EPB41L3: variants seen among roughly 807,000 people sequenced by gnomAD.
The protein encoded by EPB41L3 is band 4.1-like protein 3.
A neutral mutation model predicts 127.1 loss-of-function variants in EPB41L3; 57 were observed. The observed-to-expected ratio is 0.45, with a 90% CI of 0.36 to 0.56. EPB41L3 has a LOEUF of 0.56. EPB41L3 is among the 20% of genes least tolerant of loss of function. EPB41L3 has a pLI of 0.00. For synonymous variants in EPB41L3, 572 were observed against 549.5 expected (o/e 1.04, Z -0.57); for missense variants, 1,273 against 1,372.2 (o/e 0.93, Z 1.14).
intron 1 of EPB41L3, among the ~76,000 whole-genome samples, chr18:5,618,693 T>C (rs1270412173): frequency 6.6e-6 from 1 of 152,122 alleles, no homozygotes; most frequent in East Asian, 1.9e-4. Context: ...CGAAAGTCAA[T>C]GAAAAGTGGT....
In EPB41L3 at chr18:5,561,259, G is replaced by A. The variant is rs2094131992; in HGVS notation, c.-306+51081C>T. The stretch of plus-strand genomic sequence containing the variant: ...CCCAAAGTGCTGGGATTATAGGCGT[G>A]AGCCACCGCGCCTGGCCAGTTGTAA... On this transcript the variant is annotated intron_variant, in intron 3 of 21. Coordinates refer to the EPB41L3 transcript ENST00000545076. Among the ~76,000 whole-genome samples, 2 of 152,128 alleles carry A rather than the reference G, an allele frequency of 1.3e-5. 1 individual carries two copies. Among genetic ancestry groups the A allele is most frequent in the Admixed American group, 1.3e-4 (2 of 15,282 alleles).
chr18:5,512,377 A>G (rs1304477687), intron 1 of EPB41L3, among the ~76,000 whole-genome samples: 6 of 152,174 alleles, frequency 3.9e-5, no homozygotes, highest in Non-Finnish European at 7.3e-5. Context: ...CTGATATCCA[A>G]AGAATACAGC....
chr18:5,627,007 T>C (rs921984566), intron 1 of EPB41L3, among the ~76,000 whole-genome samples: 5 of 152,010 alleles, frequency 3.3e-5, no homozygotes, highest in African/African-American at 1.2e-4. Flanking sequence ...AGGCAGGGTG[T>C]TATAGCTCAG....
chr18:5,459,812 A>C (rs968490216), intron 3 of EPB41L3, among the ~76,000 whole-genome samples: 3 of 152,216 alleles, frequency 2.0e-5, no homozygotes, highest in African/African-American at 7.2e-5. Context: ...TTTTTTTCTA[A>C]AATAAACTAT....
intron 1 of EPB41L3, 110 bp from the exon 2 acceptor site, chr18:5,489,304 A>T: frequency 7.8e-7 from 1 of 1,285,924 alleles, no homozygotes; most frequent in South Asian, 1.4e-5. Flanking sequence ...AGAGAGGGAG[A>T]TGCTACCAAA....
At chr18:5,491,834 C>T (rs1465488552) in intron 1 of EPB41L3, among the ~76,000 whole-genome samples, 1 of 152,166 alleles carries the variant, frequency 6.6e-6, no homozygotes, top group Non-Finnish European at 1.5e-5. Flanking sequence ...ATGCTGGAAT[C>T]TCACTAGAAT....
chr18:5,495,065 G>C (rs2091021466), intron 1 of EPB41L3, among the ~76,000 whole-genome samples: 1 of 152,118 alleles, frequency 6.6e-6, no homozygotes, highest in Non-Finnish European at 1.5e-5. Context: ...AGTACCAAAT[G>C]GTAAAATTCA....
chr18:5,621,502 G>T (rs2094861982), intron 1 of EPB41L3, among the ~76,000 whole-genome samples: 1 of 152,234 alleles, frequency 6.6e-6, no homozygotes, highest in African/African-American at 2.4e-5. Flanking sequence ...ACTTTGGGAG[G>T]CCAAGGCTGG....
chr18:5,470,001 A>G, intron 3 of EPB41L3, among the ~76,000 whole-genome samples: 1 of 151,922 alleles, frequency 6.6e-6, no homozygotes, highest in East Asian at 1.9e-4. Context: ...GCTGGTCTTG[A>G]ACTCCTGACC....
In EPB41L3 at chr18:5,557,876, A is replaced by T. The variant is rs777770881; in HGVS notation, c.-306+54464T>A. ...GGTCAGATCCACTGAGCACCAAAAT[A>T]AACAAAACAAAACCCTGAGTTTTAA... On this transcript the variant is annotated intron_variant, in intron 3 of 21. Transcript: ENST00000545076. 7.2e-5 allele frequency among the ~76,000 whole-genome samples: 11 copies of T among 152,344 alleles called. No homozygotes were observed. The East Asian group carries it at 2.1e-3, about 29-fold the overall frequency.
rs146930911 is a variant in EPB41L3 at position 5,397,889 on chromosome 18, A to G, written c.2472+132T>C. 3.8e-4 allele frequency: 385 copies of G among 1,009,574 alleles called. 1 individual carries two copies. The East Asian group carries it at 8.9e-3, about 23-fold the overall frequency. The allele number at this position is 1,009,574 out of a possible 1,614,324, so 62.5% of individuals were successfully genotyped here. ...ATATGCCAAGCAGACACAAAGGACA[A>G]TAAGTGAAGACACCTTTGAGATGTT... is the stretch of plus-strand genomic sequence containing the variant. On this transcript the variant is annotated intron_variant, in intron 17 of 22. Coordinates refer to ENST00000341928, the MANE Select transcript of EPB41L3 (RefSeq NM_012307.5). This position sits in a 1 kb window ranked among gnomAD's most constrained non-coding sequence, Gnocchi z 4.1.
chr18:5,581,807 G>A (rs1239872778), intron 3 of EPB41L3, among the ~76,000 whole-genome samples: 5 of 151,988 alleles, frequency 3.3e-5, no homozygotes, highest in African/African-American at 7.3e-5. Context: ...GGCCATCCTG[G>A]GCAACATAGC....
intron 3 of EPB41L3, among the ~76,000 whole-genome samples, 174 bp downstream of exon 3, chr18:5,478,067 A>T (rs2087612580): frequency 6.6e-6 from 1 of 152,192 alleles, no homozygotes; most frequent in South Asian, 2.1e-4. Flanking sequence ...GACATTATAC[A>T]TATTTTTAAT....
At chr18:5,401,444 T>C (rs991858671) in intron 16 of EPB41L3, among the ~76,000 whole-genome samples, 2 of 152,138 alleles carry the variant, frequency 1.3e-5, no homozygotes, top group African/African-American at 4.8e-5. Flanking sequence ...TTTTTAAAAA[T>C]TTAAAATTTC....
In EPB41L3 at chr18:5,543,930, C is replaced by T. The variant is rs1360128329; in HGVS notation, c.-29G>A. 2.2e-5 allele frequency: 22 copies of T among 985,624 alleles called. No homozygotes were observed. Among genetic ancestry groups the T allele is most frequent in the East Asian group, 1.1e-4 (1 of 8,776 alleles). The allele number at this position is 985,624 out of a possible 1,614,324, so 61.1% of individuals were successfully genotyped here. A position where few individuals can be genotyped will look rare whatever the true frequency, so the allele number is the denominator to read the frequency against. On this transcript the variant is annotated 5_prime_UTR_variant, in exon 1 of 23. Transcript: ENST00000341928. This position sits in a 1 kb window ranked among gnomAD's most constrained non-coding sequence, Gnocchi z 5.2. ...AAAGTTACCTGGGATCAGCAGGGAG[C>T]CCGGGCGCGCCGCGGCGTGGGGACT...
intron 3 of EPB41L3, among the ~76,000 whole-genome samples, chr18:5,594,487 C>T (rs115351108): frequency 0.012 from 1,818 of 151,902 alleles, 28 homozygotes; most frequent in African/African-American, 0.036. Context: ...ATAAAATATA[C>T]GGAAAAAAAT....
chr18:5,538,635 A>G (rs1405962826), intron 1 of EPB41L3, among the ~76,000 whole-genome samples: 2 of 152,240 alleles, frequency 1.3e-5, no homozygotes, highest in Non-Finnish European at 1.5e-5. Context: ...TAGGAGATCA[A>G]TATCATCTCC....
At position 5,543,818 on chromosome 18, in the gene EPB41L3, C is replaced by A. The variant is rs1470782663; in HGVS notation, c.-12+95G>T. The A allele has an allele frequency of 1.1e-6, 1 of 938,870 alleles. No homozygotes were observed. The highest frequency in any genetic ancestry group is 4.9e-5 in the South Asian group (1 of 20,386). 58.2% of individuals were successfully genotyped at this position (938,870 alleles called of 1,614,324 possible). ...GAAGCCACGCGTCAGCCCCACTGTC[C>A]CGCGCGCCTCGCCCCAGGCCTCGGG... is the stretch of plus-strand genomic sequence containing the variant. On this transcript the variant is annotated intron_variant, in intron 1 of 22. Transcript: ENST00000341928. The surrounding 1 kb of genome is among the most constrained non-coding windows in gnomAD (Gnocchi z 5.2).
chr18:5,630,212 G>A (rs1007508841), upstream of EPB41L3, among the ~76,000 whole-genome samples: 64 of 152,272 alleles, frequency 4.2e-4, no homozygotes, highest in Non-Finnish European at 6.9e-4. Flanking sequence ...GCCTCCGGGC[G>A]GACCCGGCCA....
Sources: allele counts gnomAD v4.1 joint callset (sites outside exome capture counted in the v4.1 genomes callset), GRCh38; gene constraint gnomAD v4.1.1; non-coding constraint Gnocchi (gnomAD v3.1); transcripts MANE v1.5; gene names NCBI Gene and HGNC (gene_info 2026-07-23, HGNC 2026-07-21).